The following JARID2 variants were observed in gnomAD, a reference collection of about 807,000 sequenced individuals.
The protein encoded by JARID2 is jumonji and AT-rich interaction domain containing 2.
Under a neutral mutation model 125.6 loss-of-function variants are expected in JARID2, and 21 were observed. The observed-to-expected ratio is 0.17, with a 90% CI of 0.12 to 0.24. The LOEUF is 0.24. Ranked by LOEUF, JARID2 falls within the 10% of genes least tolerant of loss-of-function variation. The pLI, the probability that JARID2 is intolerant of heterozygous loss-of-function variation, is 1.00. For missense variants in JARID2, 1,303 were observed against 1,639.6 expected (o/e 0.79, Z 3.55); for synonymous variants, 736 against 661.6 (o/e 1.11, Z -1.73).
rs1770903992 is a variant in JARID2 at position 15,504,590 on chromosome 6, G to A, written c.2539G>A (p.Glu847Lys). ...FSKEPAPAEI[E>K]QEYWRLVEEK... ...CAAGGAGCCTGCCCCAGCCGAAATC[G>A]AGGTGAGAGAAGGGGCCCCTCACGC... The change falls in exon 9 of 18, where the codon GAG becomes AAG. Residue 847 changes from glutamate to lysine, a missense_variant and splice_region_variant. Glu to Lys is a moderately conservative substitution (Grantham distance 56). Transcript: ENST00000341776. 1 of 1,611,596 alleles carries A rather than the reference G, an allele frequency of 6.2e-7. No individual in the cohort carries two copies. The highest frequency in any genetic ancestry group is 1.7e-5 in the Admixed American group (1 of 59,996).
chr6:15,408,377 T>C (rs1208829196), intron 2 of JARID2, among the ~76,000 whole-genome samples: 1 of 152,226 alleles, frequency 6.6e-6, no homozygotes, highest in Non-Finnish European at 1.5e-5. Flanking sequence ...GTTTTCTCTA[T>C]GGTAATTTAT....
intron 1 of JARID2, among the ~76,000 whole-genome samples, chr6:15,362,722 G>A (rs538505974): frequency 3.0e-4 from 45 of 152,192 alleles, no homozygotes; most frequent in Admixed American, 9.2e-4. Context: ...GTGTCAAATT[G>A]CAGCGTGGCT....
chr6:15,499,715 C>T (rs1010154866), intron 7 of JARID2, among the ~76,000 whole-genome samples: 10 of 152,096 alleles, frequency 6.6e-5, no homozygotes, highest in South Asian at 6.2e-4. Context: ...TCCCTCCTGT[C>T]GAGGCTGGGG....
At chr6:15,258,004 CTT>C (rs1759732387) in intron 1 of JARID2, among the ~76,000 whole-genome samples, 1 of 152,102 alleles carries the variant, frequency 6.6e-6, no homozygotes, top group South Asian at 2.1e-4. Flanking sequence ...TGTTCTTATT[CTT>C]ATATGTATGA....
chr6:15,398,544 A>G (rs2127551794), intron 2 of JARID2, among the ~76,000 whole-genome samples: 1 of 152,320 alleles, frequency 6.6e-6, no homozygotes, highest in South Asian at 2.1e-4. Context: ...TAAACAGTCT[A>G]AAACTTATGG....
intron 1 of JARID2, among the ~76,000 whole-genome samples, chr6:15,353,691 C>T (rs1329183625): frequency 1.3e-5 from 2 of 152,086 alleles, no homozygotes; most frequent in African/African-American, 2.4e-5. Flanking sequence ...TTGTAAACCC[C>T]TTCAACCAAT....
chr6:15,465,367 C>T (rs1768667259), intron 4 of JARID2, among the ~76,000 whole-genome samples: 1 of 152,186 alleles, frequency 6.6e-6, no homozygotes, highest in Non-Finnish European at 1.5e-5. Flanking sequence ...GGGAGGATCA[C>T]TTGTGGCCAG....
intron 2 of JARID2, among the ~76,000 whole-genome samples, chr6:15,400,043 G>T (rs1309055719): frequency 6.6e-6 from 1 of 152,236 alleles, no homozygotes; most frequent in African/African-American, 2.4e-5. Flanking sequence ...CCAGCCCTCA[G>T]TTGGACTCCT....
At chr6:15,453,744 A>G (rs1768026667) in intron 4 of JARID2, among the ~76,000 whole-genome samples, 1 of 152,180 alleles carries the variant, frequency 6.6e-6, no homozygotes, top group African/African-American at 2.4e-5. Flanking sequence ...GTGGATCCTC[A>G]TCAGGCTGGC....
intron 4 of JARID2, among the ~76,000 whole-genome samples, chr6:15,467,644 C>T (rs1262800253): frequency 6.6e-6 from 1 of 151,792 alleles, no homozygotes; most frequent in Non-Finnish European, 1.5e-5. Context: ...AAATTTCAGA[C>T]CAACCTGGGC....
chr6:15,460,970 G>A (rs956955194), intron 4 of JARID2, among the ~76,000 whole-genome samples: 1 of 152,198 alleles, frequency 6.6e-6, no homozygotes, highest in South Asian at 2.1e-4. Flanking sequence ...CTCCCAAAGT[G>A]CTGGGATTAC....
chr6:15,275,050 CCT>C (rs1436029395), intron 1 of JARID2, among the ~76,000 whole-genome samples: 1 of 152,154 alleles, frequency 6.6e-6, no homozygotes, highest in African/African-American at 2.4e-5. Context: ...GGATTAAAAA[CCT>C]CTGTTTTGTT....
intron 6 of JARID2, among the ~76,000 whole-genome samples, chr6:15,494,012 A>G (rs557549963): frequency 1.3e-5 from 2 of 152,250 alleles, no homozygotes; most frequent in South Asian, 2.1e-4. Flanking sequence ...TAAGAGCCAG[A>G]GTGTGATTCC....
chr6:15,288,393 A>T (rs1428477264), intron 1 of JARID2, among the ~76,000 whole-genome samples: 1 of 152,200 alleles, frequency 6.6e-6, no homozygotes. Flanking sequence ...GACAGCACCA[A>T]GCCATGAGGG....
chr6:15,261,311 CT>C (rs70996526), intron 1 of JARID2, among the ~76,000 whole-genome samples: 18,284 of 124,080 alleles, frequency 0.15, 1,435 homozygotes, highest in African/African-American at 0.29. Flanking sequence ...TCTTCTTCTT[CT>C]TTTTTTTTTT....
chr6:15,350,557 C>T (rs1763387905), intron 1 of JARID2, among the ~76,000 whole-genome samples: 2 of 152,132 alleles, frequency 1.3e-5, no homozygotes, highest in African/African-American at 2.4e-5. Context: ...ACAAACAACC[C>T]ATTTGCATCA....
chr6:15,432,257 T>C (rs1766997789), intron 3 of JARID2, among the ~76,000 whole-genome samples: 1 of 152,120 alleles, frequency 6.6e-6, no homozygotes, highest in Non-Finnish European at 1.5e-5. Flanking sequence ...GGTGAAACCC[T>C]GTCTCTACTA....
At chr6:15,348,443 T>C (rs563377250) in intron 1 of JARID2, among the ~76,000 whole-genome samples, 59 of 152,336 alleles carry the variant, frequency 3.9e-4, no homozygotes, top group African/African-American at 1.4e-3. Context: ...CAGTAGATAA[T>C]CTTTGTGTGG....
At chr6:15,281,020 G>C (rs982492233) in intron 1 of JARID2, among the ~76,000 whole-genome samples, 2 of 152,306 alleles carry the variant, frequency 1.3e-5, no homozygotes, top group African/African-American at 4.8e-5. Context: ...AATCCAAGCA[G>C]GTATCACACC....
Sources: allele counts gnomAD v4.1 joint callset (sites outside exome capture counted in the v4.1 genomes callset), GRCh38; gene constraint gnomAD v4.1.1; transcripts MANE v1.5; gene names NCBI Gene and HGNC (gene_info 2026-07-23, HGNC 2026-07-21).